Variants in FOXP1 observed in about 807,000 individuals in gnomAD.
FOXP1 encodes the protein forkhead box P1, also known as forkhead box protein P1.
A neutral mutation model predicts 98.2 loss-of-function variants in FOXP1; 15 were observed. The observed-to-expected ratio is 0.15, with a 90% CI of 0.10 to 0.24. FOXP1 has a LOEUF of 0.24. FOXP1 is among the 10% of genes least tolerant of loss of function. The pLI is 1.00. For missense variants in FOXP1, 633 were observed against 848.5 expected (o/e 0.75, Z 3.15); for synonymous variants, 371 against 314.5 (o/e 1.18, Z -1.90).
At chr3:71,210,132 A>C (rs76386345) in intron 5 of FOXP1, among the ~76,000 whole-genome samples, 1,822 of 152,310 alleles carry the variant, frequency 0.012, 16 homozygotes, top group Non-Finnish European at 0.019. Context: ...ACTCTGTCTA[A>C]AAAGAAAGTA....
intron 2 of FOXP1, among the ~76,000 whole-genome samples, chr3:71,502,966 C>T (rs2041508522): frequency 9.1e-6 from 1 of 110,470 alleles, no homozygotes; most frequent in East Asian, 2.5e-4. Flanking sequence ...TGATTTTTGC[C>T]TGCTTTACAA....
At chr3:71,431,260 G>A (rs1209433223) in intron 3 of FOXP1, among the ~76,000 whole-genome samples, 1 of 152,154 alleles carries the variant, frequency 6.6e-6, no homozygotes, top group Admixed American at 6.5e-5. Flanking sequence ...CAGGAAATCA[G>A]GGAAGGCTTC....
intron 6 of FOXP1, among the ~76,000 whole-genome samples, chr3:71,170,818 C>T (rs888745105): frequency 6.6e-6 from 1 of 152,200 alleles, no homozygotes; most frequent in African/African-American, 2.4e-5. Flanking sequence ...CTTGATTCAG[C>T]GTCCATCTAC....
intron 5 of FOXP1, among the ~76,000 whole-genome samples, chr3:71,198,659 G>A (rs2063463968): frequency 6.6e-6 from 1 of 151,828 alleles, no homozygotes. Flanking sequence ...ACTAGTATTT[G>A]TAAGTAAACC....
intron 5 of FOXP1, among the ~76,000 whole-genome samples, chr3:71,281,409 A>C (rs2071550410): frequency 6.6e-6 from 1 of 152,158 alleles, no homozygotes; most frequent in African/African-American, 2.4e-5. Flanking sequence ...ACCCTCTGCT[A>C]TCTCAAAACA....
intron 14 of FOXP1, among the ~76,000 whole-genome samples, chr3:70,984,534 C>T (rs1000656347): frequency 6.6e-6 from 1 of 152,200 alleles, no homozygotes; most frequent in African/African-American, 2.4e-5. Flanking sequence ...TGAACACCTC[C>T]ATGGCAGGGA....
intron 6 of FOXP1, among the ~76,000 whole-genome samples, chr3:71,150,328 C>G (rs1016176884): frequency 6.6e-6 from 1 of 152,106 alleles, no homozygotes; most frequent in Non-Finnish European, 1.5e-5. Context: ...ATCATTAAAC[C>G]TACTCAACTG....
At chr3:71,289,201 G>C (rs1733512) in intron 5 of FOXP1, among the ~76,000 whole-genome samples, 140,476 of 151,904 alleles carry the variant, frequency 0.92, 64,986 homozygotes, top group Admixed American at 0.95. Flanking sequence ...CCACCATGCC[G>C]AGCTAGTTTT....
intron 3 of FOXP1, among the ~76,000 whole-genome samples, chr3:71,426,475 G>A (rs890509949): frequency 2.6e-5 from 4 of 152,162 alleles, no homozygotes; most frequent in African/African-American, 9.7e-5. Context: ...CAAGTGGAAT[G>A]AATGCACAGG....
At chr3:71,424,583 T>C (rs2083956399) in intron 3 of FOXP1, among the ~76,000 whole-genome samples, 1 of 152,176 alleles carries the variant, frequency 6.6e-6, no homozygotes, top group Admixed American at 6.5e-5. Context: ...AAAATGCAGC[T>C]AACTTCCAGA....
chr3:71,037,907 A>G (rs1008252841), intron 11 of FOXP1, among the ~76,000 whole-genome samples: 3 of 152,358 alleles, frequency 2.0e-5, no homozygotes, highest in Non-Finnish European at 4.4e-5. Context: ...TCTATTGGCA[A>G]TCTTTACCAA....
At chr3:71,400,760 T>C (rs1400488461) in intron 3 of FOXP1, among the ~76,000 whole-genome samples, 1 of 152,164 alleles carries the variant, frequency 6.6e-6, no homozygotes, top group Non-Finnish European at 1.5e-5. Context: ...TTTTTCCCCA[T>C]CATTTTTGTT....
chr3:71,390,561 ATG>A (rs145451457), intron 3 of FOXP1, among the ~76,000 whole-genome samples: 5 of 110,542 alleles, frequency 4.5e-5, no homozygotes, highest in East Asian at 6.1e-4. Context: ...GTCAGTAAGG[ATG>A]TGTGTGTGTG....
intron 3 of FOXP1, among the ~76,000 whole-genome samples, chr3:71,458,793 T>C (rs997380511): frequency 2.6e-5 from 4 of 152,230 alleles, no homozygotes; most frequent in African/African-American, 9.6e-5. Flanking sequence ...CAGGTATAAT[T>C]ATTTTGACAC....
intron 12 of FOXP1, 109 bp from the exon 13 acceptor site, chr3:71,001,168 G>T: frequency 2.5e-6 from 2 of 785,146 alleles, no homozygotes; most frequent in Non-Finnish European, 4.4e-6. Context: ...GCTCCCAGGA[G>T]ATAGTAGTCC....
chr3:70,966,285 T>TG, intron 19 of FOXP1: 1 of 557,714 alleles, frequency 1.8e-6, no homozygotes, highest in South Asian at 1.9e-5. Flanking sequence ...CAAGTGCCTG[T>TG]GGGTAGGAAG....
At chr3:71,010,838 C>G (rs1241666434) in intron 12 of FOXP1, among the ~76,000 whole-genome samples, 1 of 147,026 alleles carries the variant, frequency 6.8e-6, no homozygotes, top group Non-Finnish European at 1.5e-5. Context: ...CCCCCCTCCC[C>G]CCCCACCCAG....
chr3:71,462,706 G>A (rs145554141), intron 3 of FOXP1, among the ~76,000 whole-genome samples: 10 of 152,296 alleles, frequency 6.6e-5, no homozygotes, highest in South Asian at 2.1e-4. Flanking sequence ...AAGAAATTCC[G>A]TGTAACTCCA....
intron 7 of FOXP1, among the ~76,000 whole-genome samples, chr3:71,096,337 C>T (rs1043321384): frequency 1.3e-5 from 2 of 152,116 alleles, no homozygotes; most frequent in Non-Finnish European, 2.9e-5. Flanking sequence ...GCTTGGGCCC[C>T]ATCCTAAGAT....
Sources: allele counts gnomAD v4.1 joint callset (sites outside exome capture counted in the v4.1 genomes callset), GRCh38; gene constraint gnomAD v4.1.1; transcripts MANE v1.5; gene names NCBI Gene and HGNC (gene_info 2026-07-23, HGNC 2026-07-21).